KAZN: variants seen among roughly 807,000 people sequenced by gnomAD.
KAZN encodes kazrin.
KAZN carries 40 observed loss-of-function variants against 87.4 expected under a neutral mutation model. That is an observed-to-expected ratio of 0.46 (90% confidence interval 0.36 to 0.60). The LOEUF (loss-of-function observed/expected upper bound fraction) is 0.60, where lower values mean the gene tolerates loss of function less well. Among genes scored for constraint, KAZN ranks in the 20% least tolerant of loss-of-function variants. KAZN has a pLI of 0.00. For missense variants in KAZN, 898 were observed against 1,073.9 expected, an observed-to-expected ratio of 0.84 and a Z score of 2.29; for synonymous variants, 466 against 458.3, an observed-to-expected ratio of 1.02 and a Z score of -0.22.
chr1:14,178,534 C>G (rs1434428843), intron 1 of KAZN, among the ~76,000 whole-genome samples: 1 of 152,070 alleles, frequency 6.6e-6, no homozygotes, highest in East Asian at 1.9e-4. Context: ...CCATTTGGTT[C>G]TGATTTAAAT....
At chr1:14,076,668 C>G (rs942650962) in intron 1 of KAZN, among the ~76,000 whole-genome samples, 1 of 152,186 alleles carries the variant, frequency 6.6e-6, no homozygotes. Flanking sequence ...GCTTGAGAAC[C>G]ACTGTTGTGC....
At chr1:14,096,772 G>T (rs1218287536) in intron 1 of KAZN, among the ~76,000 whole-genome samples, 1 of 152,338 alleles carries the variant, frequency 6.6e-6, no homozygotes, top group East Asian at 1.9e-4. Flanking sequence ...TGCCTGGGGA[G>T]TTTGTTCAAA....
At chr1:14,386,575 C>G (rs1661913629) in intron 2 of KAZN, among the ~76,000 whole-genome samples, 1 of 151,942 alleles carries the variant, frequency 6.6e-6, no homozygotes, top group African/African-American at 2.4e-5. Flanking sequence ...ACTTATGAAG[C>G]TTAGTTTGGC....
intron 2 of KAZN, among the ~76,000 whole-genome samples, chr1:14,583,096 C>T (rs148206673): frequency 0.011 from 1,609 of 152,310 alleles, 28 homozygotes; most frequent in African/African-American, 0.037. Flanking sequence ...CAAACCTATG[C>T]GACAGAAACT....
chr1:13,935,562 G>A (rs151306259), intron 1 of KAZN, among the ~76,000 whole-genome samples: 1 of 152,318 alleles, frequency 6.6e-6, no homozygotes, highest in African/African-American at 2.4e-5. Flanking sequence ...GTGTGGGAGT[G>A]AAGAGGTTGG....
chr1:14,309,864 C>G (rs1655166618), intron 2 of KAZN, among the ~76,000 whole-genome samples: 1 of 150,994 alleles, frequency 6.6e-6, no homozygotes, highest in African/African-American at 2.4e-5. Flanking sequence ...AACGACTGCA[C>G]CTGGCCTGAT....
chr1:14,240,632 C>T (rs1648851902), intron 2 of KAZN, among the ~76,000 whole-genome samples: 1 of 152,244 alleles, frequency 6.6e-6, no homozygotes, highest in Admixed American at 6.5e-5. Flanking sequence ...TGCTTATCAG[C>T]ATCCACAAGC....
chr1:14,079,157 C>T (rs1031192648), intron 1 of KAZN, among the ~76,000 whole-genome samples: 3 of 152,170 alleles, frequency 2.0e-5, no homozygotes, highest in South Asian at 2.1e-4. Flanking sequence ...CCTCAGGAAG[C>T]GTCAGCTCAT....
chr1:14,870,360 T>G (rs753466382), intron 1 of KAZN, among the ~76,000 whole-genome samples: 1 of 152,188 alleles, frequency 6.6e-6, no homozygotes, highest in Non-Finnish European at 1.5e-5. Flanking sequence ...GTGTTTGTAT[T>G]GAGACAGAGT....
chr1:13,912,448 G>C (rs1395710839), intron 1 of KAZN, among the ~76,000 whole-genome samples: 1 of 152,128 alleles, frequency 6.6e-6, no homozygotes, highest in African/African-American at 2.4e-5. Context: ...TCAACTCCCA[G>C]GTCCAGGGCT....
At chr1:14,791,855 C>T (rs115690571) in intron 1 of KAZN, among the ~76,000 whole-genome samples, 17 of 152,322 alleles carry the variant, frequency 1.1e-4, no homozygotes, top group African/African-American at 3.1e-4. Flanking sequence ...GCGTTTGATC[C>T]CATGGCAGCG....
chr1:14,785,450 A>G (rs543692687), intron 1 of KAZN, among the ~76,000 whole-genome samples: 2 of 152,090 alleles, frequency 1.3e-5, no homozygotes, highest in Non-Finnish European at 2.9e-5. Context: ...TACCCTGTGG[A>G]CAGAATGGAT....
intron 1 of KAZN, among the ~76,000 whole-genome samples, chr1:14,054,099 GT>G (rs201272152): frequency 0.022 from 3,258 of 150,680 alleles, 176 homozygotes; most frequent in Admixed American, 0.12. Flanking sequence ...TTGTCCGTGA[GT>G]TTTTTTTTAA....
At chr1:14,183,295 C>G (rs887459423) in intron 2 of KAZN, among the ~76,000 whole-genome samples, 11 of 152,138 alleles carry the variant, frequency 7.2e-5, no homozygotes, top group Admixed American at 6.5e-4. Context: ...AGATGATTGG[C>G]AGGCCTGACA....
intron 2 of KAZN, among the ~76,000 whole-genome samples, chr1:14,476,394 T>A (rs1322438945): frequency 6.6e-6 from 1 of 152,206 alleles, no homozygotes; most frequent in African/African-American, 2.4e-5. Context: ...CCTTGGGCAA[T>A]AATGGATGAT....
Position 14,847,272 on chromosome 1 carries a change from G to A in KAZN, c.227-113412G>A, listed in dbSNP as rs928357333. 2.6e-5 allele frequency among the ~76,000 whole-genome samples: 4 copies of A among 152,274 alleles called. No individual in the cohort carries two copies. The East Asian group carries it at 5.8e-4, about 22-fold the overall frequency. ...CCCGCCAAGGGCTTCCGAAGTTGTCGTTATCAATCAAAGTAGGGTGGCCAC... is the reference window on the plus strand; with the variant it reads ...CCCGCCAAGGGCTTCCGAAGTTGTCATTATCAATCAAAGTAGGGTGGCCAC... On this transcript the variant is annotated intron_variant, in intron 1 of 14. Coordinates refer to ENST00000376030, the MANE Select transcript of KAZN (RefSeq NM_201628.3).
intron 2 of KAZN, among the ~76,000 whole-genome samples, chr1:14,193,651 A>G (rs972392101): frequency 4.1e-5 from 5 of 120,934 alleles, no homozygotes; most frequent in East Asian, 2.3e-4. Flanking sequence ...AAACTAAGAA[A>G]GACTAAGGTG....
intron 1 of KAZN, among the ~76,000 whole-genome samples, chr1:14,921,633 G>C (rs1442209371): frequency 1.3e-5 from 2 of 152,212 alleles, no homozygotes; most frequent in African/African-American, 2.4e-5. Context: ...ATGTCTCTCT[G>C]ATACCAAATC....
At chr1:14,156,007 T>G (rs1174246203) in intron 1 of KAZN, among the ~76,000 whole-genome samples, 1 of 152,170 alleles carries the variant, frequency 6.6e-6, no homozygotes, top group Middle Eastern at 3.2e-3. Context: ...CTACTTTTAC[T>G]GTGTCCCATA....
Sources: gnomAD v4.1 joint callset for allele counts (sites outside exome capture counted in the v4.1 genomes callset) on GRCh38, gnomAD v4.1.1 for gene constraint, MANE v1.5 for transcripts, NCBI Gene and HGNC (gene_info 2026-07-23, HGNC 2026-07-21) for gene names.